SENP6: variants seen among roughly 807,000 people sequenced by gnomAD.
SENP6 encodes the protein sentrin-specific protease 6.
SENP6 carries 41 observed loss-of-function variants against 134.5 expected under a neutral mutation model. The observed-to-expected ratio is 0.30, with a 90% CI of 0.24 to 0.40. The LOEUF is 0.40. SENP6 is among the 10% of genes least tolerant of loss of function. The pLI is 1.00. For synonymous variants in SENP6, 395 were observed against 429.8 expected, an observed-to-expected ratio of 0.92 and a Z score of 1.00; for missense variants, 1,248 against 1,312.5, an observed-to-expected ratio of 0.95 and a Z score of 0.76.
chr6:75,707,852 C>CTTTAT (rs986244338), intron 19 of SENP6, among the ~76,000 whole-genome samples: 1 of 151,696 alleles, frequency 6.6e-6, no homozygotes, highest in African/African-American at 2.4e-5. Context: ...CTGGCTGATT[C>CTTTAT]TTTATTTTAT....
chr6:75,652,698 A>AAAAAAAAAAAAAAAAAG (rs1554166656), intron 7 of SENP6, among the ~76,000 whole-genome samples: 2 of 148,708 alleles, frequency 1.3e-5, no homozygotes, highest in African/African-American at 5.1e-5. Flanking sequence ...AAAAAAAAAA[A>AAAAAAAAAAAAAAAAAG]AAAAAGAAAA....
chr6:75,661,680 C>A (rs1449336776), intron 8 of SENP6, among the ~76,000 whole-genome samples: 1 of 152,166 alleles, frequency 6.6e-6, no homozygotes, highest in Non-Finnish European at 1.5e-5. Context: ...AACTTTAATT[C>A]CTAGACAAGG....
intron 1 of SENP6, chr6:75,611,557 C>T (rs1324680005): frequency 6.6e-6 from 1 of 152,178 alleles, no homozygotes; most frequent in Admixed American, 6.5e-5. Context: ...TCACAGAATA[C>T]TGAATTCCCT....
chr6:75,641,551 G>T (rs1770027430), intron 6 of SENP6, among the ~76,000 whole-genome samples: 1 of 152,138 alleles, frequency 6.6e-6, no homozygotes, highest in Admixed American at 6.5e-5. Flanking sequence ...TAAGAACACT[G>T]GCAGACACAT....
chr6:75,606,378 C>A (rs916825165), intron 1 of SENP6, among the ~76,000 whole-genome samples: 1 of 152,146 alleles, frequency 6.6e-6, no homozygotes, highest in Non-Finnish European at 1.5e-5. Flanking sequence ...TTGCTCATAA[C>A]CCCTTTTCCA....
intron 2 of SENP6, 129 bp from the exon 3 acceptor site, chr6:75,623,771 T>C: frequency 1.5e-6 from 1 of 667,420 alleles, no homozygotes; most frequent in Non-Finnish European, 2.5e-6. Flanking sequence ...GCAAAGACTG[T>C]GGTTTGGCCC....
chr6:75,677,209 G>A lies in SENP6; in HGVS notation c.1801G>A (p.Glu601Lys). Residue 601 changes from glutamate (E) to lysine (K), a missense_variant, in exon 14 of 24, where the codon GAG becomes AAG. Coordinates refer to ENST00000447266, the MANE Select transcript of SENP6 (RefSeq NM_015571.4). Reference protein sequence around the residue: ...RLVACTRTYEESIKGSCGQKE... With the variant: ...RLVACTRTYEKSIKGSCGQKE... Reference sequence around the variant, plus strand: ...TGTTGCCTGTACAAGAACCTATGAAGAGAGCATCAAAGGAAGTTGTGGGCA... The same window carrying A: ...TGTTGCCTGTACAAGAACCTATGAAAAGAGCATCAAAGGAAGTTGTGGGCA... The A allele has an allele frequency of 6.2e-7, 1 of 1,607,470 alleles. No homozygotes were observed. The highest frequency in any genetic ancestry group is 8.5e-7 in the Non-Finnish European group (1 of 1,177,158).
Position 75,716,133 on chromosome 6 carries a change from C to CTTG in SENP6, c.*541_*543dup, listed in dbSNP as rs1776009377. On this transcript the variant is annotated 3_prime_UTR_variant, in exon 24 of 24. Coordinates refer to ENST00000447266, the MANE Select transcript of SENP6 (RefSeq NM_015571.4). Reference sequence around the variant, plus strand: ...AACAGCCTTTCAATTCATATACTGCCTTGTGTTCAGTGAACCCAAGAAATG... The same window carrying CTTG: ...AACAGCCTTTCAATTCATATACTGCCTTGTTGTGTTCAGTGAACCCAAGAAATG... 6.6e-6 allele frequency: 1 copy of CTTG among 151,840 alleles called. No individual in the cohort carries two copies. Among genetic ancestry groups the CTTG allele is most frequent in the Non-Finnish European group, 1.5e-5 (1 of 67,844 alleles). The allele number at this position is 151,840 out of a possible 1,614,324, so 9.4% of individuals were successfully genotyped here.
At chr6:75,634,850 C>A in intron 5 of SENP6, 39 bp downstream of exon 5, 1 of 1,289,924 alleles carries the variant, frequency 7.8e-7, no homozygotes, top group Non-Finnish European at 1.1e-6. Flanking sequence ...ATATACATGG[C>A]ATCTTCTTCA....
chr6:75,670,764 A>G (rs771396529), intron 11 of SENP6, 44 bp downstream of exon 11: 2 of 1,196,634 alleles, frequency 1.7e-6, no homozygotes, highest in Non-Finnish European at 2.2e-6. Context: ...TATAACATTA[A>G]AAATTCCGTT....
intron 17 of SENP6, among the ~76,000 whole-genome samples, chr6:75,696,976 G>A (rs1018407102): frequency 1.3e-5 from 2 of 152,026 alleles, no homozygotes; most frequent in African/African-American, 4.8e-5. Context: ...TCCTAATGTT[G>A]CATCTTAGAG....
intron 11 of SENP6, among the ~76,000 whole-genome samples, chr6:75,671,214 T>C (rs919116535): frequency 3.3e-5 from 5 of 152,242 alleles, no homozygotes; most frequent in Admixed American, 1.3e-4. Flanking sequence ...AAGTTTTTAT[T>C]TTCTATTTGA....
Position 75,644,738 on chromosome 6 carries a change from GCCT to G in SENP6, c.480-2990_480-2988del, listed in dbSNP as rs1770303014. Among the ~76,000 whole-genome samples the G allele has an allele frequency of 2.0e-5, 3 of 152,308 alleles. No homozygotes were observed. In the South Asian group the frequency reaches 6.2e-4, roughly 32 times the overall value. ...GGCCTCAAGTGATCTGACGGCCTTGGCCTCCCAAAGTGTTGGGATTACAGGCAT... is the reference window on the plus strand; with the variant it reads ...GGCCTCAAGTGATCTGACGGCCTTGGCCCAAAGTGTTGGGATTACAGGCAT... On this transcript the variant is annotated intron_variant, in intron 6 of 23. Transcript: ENST00000447266.
chr6:75,613,241 A>T (rs2149821973), intron 1 of SENP6, among the ~76,000 whole-genome samples: 1 of 152,300 alleles, frequency 6.6e-6, no homozygotes, highest in Non-Finnish European at 1.5e-5. Flanking sequence ...TCAAAAGAAG[A>T]ATGTTTCATG....
chr6:75,609,568 TATTTTTTCCCC>T (rs1767286177), intron 1 of SENP6, among the ~76,000 whole-genome samples: 1 of 152,234 alleles, frequency 6.6e-6, no homozygotes, highest in African/African-American at 2.4e-5. Flanking sequence ...ACCTACCTGG[TATTTTTTCCCC>T]ATTCTTTCAA....
intron 6 of SENP6, among the ~76,000 whole-genome samples, chr6:75,644,931 C>G (rs561276307): frequency 9.2e-5 from 14 of 152,304 alleles, no homozygotes; most frequent in Admixed American, 2.0e-4. Context: ...TTCTGCAAAT[C>G]TAAAATTATT....
intron 16 of SENP6, among the ~76,000 whole-genome samples, chr6:75,687,826 G>T (rs1184205662): frequency 6.6e-6 from 1 of 152,188 alleles, no homozygotes. Context: ...CTACTGGGAG[G>T]TGTCTCCCAG....
chr6:75,617,078 C>T (rs1767904884), intron 1 of SENP6, among the ~76,000 whole-genome samples: 1 of 151,780 alleles, frequency 6.6e-6, no homozygotes, highest in African/African-American at 2.4e-5. Flanking sequence ...AGGATTTTGT[C>T]ATGTTGCCCA....
intron 13 of SENP6, chr6:75,676,817 G>A (rs1217759525): frequency 9.0e-6 from 4 of 443,708 alleles, no homozygotes. Flanking sequence ...AATGTATTCT[G>A]GTTCCTTCCA....
Sources: gnomAD v4.1 joint callset for allele counts (sites outside exome capture counted in the v4.1 genomes callset) on GRCh38, gnomAD v4.1.1 for gene constraint, MANE v1.5 for transcripts, NCBI Gene and HGNC (gene_info 2026-07-23, HGNC 2026-07-21) for gene names.